Variants in PCMT1 observed in about 807,000 individuals in gnomAD.
The protein encoded by PCMT1 is protein-L-isoaspartate (D-aspartate) O-methyltransferase.
PCMT1 carries 9 observed loss-of-function variants against 29.2 expected under a neutral mutation model. The observed-to-expected ratio is 0.31, with a 90% CI of 0.19 to 0.54. PCMT1 has a LOEUF of 0.54. Ranked by LOEUF, PCMT1 falls within the 20% of genes least tolerant of loss-of-function variation. PCMT1 has a pLI of 0.95. For missense variants in PCMT1, 184 were observed against 282.2 expected, an observed-to-expected ratio of 0.65 and a Z score of 2.49; for synonymous variants, 98 against 97.5, an observed-to-expected ratio of 1.00 and a Z score of -0.03.
At position 149,793,642 on chromosome 6, in the gene PCMT1, C is replaced by A; in HGVS notation, c.391C>A (p.Leu131Met). The change falls in exon 5 of 8, where the codon CTG becomes ATG. Residue 131 changes from leucine (L) to methionine (M), a missense_variant. By Grantham distance (15) the Leu-to-Met change is conservative. Coordinates refer to ENST00000464889, the MANE Select transcript of PCMT1 (RefSeq NM_001360452.2). ...TGTCAGGAAGGACGATCCAACACTT[C>A]TGTCTTCAGGGAGAGTACAGCTTGT... ...NNVRKDDPTLLSSGRVQLVVG... is the reference protein window; with the variant it reads ...NNVRKDDPTLMSSGRVQLVVG... 1 of 1,564,842 alleles carries A rather than the reference C, an allele frequency of 6.4e-7. No individual in the cohort carries two copies.
intron 1 of PCMT1, among the ~76,000 whole-genome samples, chr6:149,768,467 T>G (rs1384210948): frequency 7.1e-6 from 1 of 140,818 alleles, no homozygotes; most frequent in Non-Finnish European, 1.5e-5. Context: ...TTTTTTTTTT[T>G]TTGAGATGGA....
chr6:149,806,815 C>T (rs1194261846), intron 7 of PCMT1, among the ~76,000 whole-genome samples: 7 of 152,114 alleles, frequency 4.6e-5, no homozygotes, highest in Non-Finnish European at 8.8e-5. Flanking sequence ...TGGTCTCGGA[C>T]TCCTGAGCTC....
Position 149,802,317 on chromosome 6 carries a change from C to T in PCMT1, c.622C>T (p.Leu208=). Residue 208 remains leucine (L), a synonymous_variant, in exon 7 of 8, where the codon CTG becomes TTG. Transcript: ENST00000464889. ...LQDGSIKMKP[L]MGVIYVPLTD... ...AGATGGCAGCATCAAAATGAAGCCT[C>T]TGATGGGGGTGATATACGTGCCTTT... The T allele has an allele frequency of 6.2e-7, 1 of 1,613,674 alleles. No homozygotes were observed. Among genetic ancestry groups the T allele is most frequent in the African/African-American group, 1.3e-5 (1 of 74,994 alleles).
chr6:149,776,398 T>C (rs1787569784), intron 3 of PCMT1, among the ~76,000 whole-genome samples: 1 of 151,870 alleles, frequency 6.6e-6, no homozygotes, highest in African/African-American at 2.4e-5. Context: ...ATTACAGGTG[T>C]GCACTACCAT....
chr6:149,754,143 G>A (rs148860642), intron 1 of PCMT1, among the ~76,000 whole-genome samples: 1 of 152,178 alleles, frequency 6.6e-6, no homozygotes, highest in Non-Finnish European at 1.5e-5. Flanking sequence ...ATATTGTCCA[G>A]TGTGGTAGCT....
intron 1 of PCMT1, among the ~76,000 whole-genome samples, chr6:149,750,478 C>T (rs1021191664): frequency 6.6e-6 from 1 of 152,160 alleles, no homozygotes; most frequent in African/African-American, 2.4e-5. Context: ...GAGATGCCAC[C>T]GTCTGATACA....
At chr6:149,761,800 G>T (rs1264170112) in intron 1 of PCMT1, among the ~76,000 whole-genome samples, 1 of 152,184 alleles carries the variant, frequency 6.6e-6, no homozygotes, top group African/African-American at 2.4e-5. Context: ...TGTCAAAGTT[G>T]ATAACATTTA....
In PCMT1 at chr6:149,785,860, C is replaced by G. The variant is rs1583037310; in HGVS notation, c.193-4094C>G. Among the ~76,000 whole-genome samples, 6 of 152,340 alleles carry G rather than the reference C, an allele frequency of 3.9e-5. No individual in the cohort carries two copies. In the East Asian group the frequency reaches 9.6e-4, roughly 24 times the overall value. ...ATTTCTCAATCTCTTCCCCACCTTT[C>G]CCCCCTTTCTATTCCACAAAGCCGC... On this transcript the variant is annotated intron_variant, in intron 3 of 7. Coordinates refer to ENST00000464889, the MANE Select transcript of PCMT1 (RefSeq NM_001360452.2).
chr6:149,806,867 C>G (rs1776032789), intron 7 of PCMT1, among the ~76,000 whole-genome samples: 1 of 152,202 alleles, frequency 6.6e-6, no homozygotes, highest in Non-Finnish European at 1.5e-5. Flanking sequence ...GCTGGGATTA[C>G]AGGCTTGAGC....
chr6:149,789,066 ATTTTTTTT>A (rs56661461), intron 3 of PCMT1, among the ~76,000 whole-genome samples: 2 of 90,504 alleles, frequency 2.2e-5, no homozygotes, highest in East Asian at 3.5e-4. Context: ...ATTGGATCTG[ATTTTTTTT>A]TTTTTTTTTT....
At chr6:149,756,253 A>G (rs1451028340) in intron 1 of PCMT1, among the ~76,000 whole-genome samples, 1 of 148,470 alleles carries the variant, frequency 6.7e-6, no homozygotes, top group East Asian at 2.0e-4. Context: ...ATATCCTAAA[A>G]GCATTTACTT....
At chr6:149,772,829 A>G in intron 2 of PCMT1, 1 of 343,466 alleles carries the variant, frequency 2.9e-6, no homozygotes, top group Non-Finnish European at 5.6e-6. Flanking sequence ...CATCCTGGCT[A>G]ACGCGGTGAA....
intron 1 of PCMT1, among the ~76,000 whole-genome samples, chr6:149,750,653 G>T (rs1786277535): frequency 6.6e-6 from 1 of 152,300 alleles, no homozygotes; most frequent in South Asian, 2.1e-4. Context: ...TCAGCAGAGG[G>T]TTGTGTGTCT....
Position 149,790,040 on chromosome 6 carries a change from T to C in PCMT1, c.279T>C (p.Thr93=). The change falls in exon 4 of 8, where the codon ACT becomes ACC. Residue 93 remains threonine, a synonymous_variant. Transcript: ENST00000464889. ...LDVGSGSGIL[T]ACFARMVGCT... is the part of the protein sequence containing the mutation. ...TAGGATCTGGAAGTGGAATCCTTACTGCATGTTTTGCACGTATGGTAAGAG... is the reference window on the plus strand; with the variant it reads ...TAGGATCTGGAAGTGGAATCCTTACCGCATGTTTTGCACGTATGGTAAGAG... 6.2e-7 allele frequency: 1 copy of C among 1,602,446 alleles called. No homozygotes were observed. Among genetic ancestry groups the C allele is most frequent in the South Asian group, 1.1e-5 (1 of 90,166 alleles).
intron 1 of PCMT1, among the ~76,000 whole-genome samples, chr6:149,752,084 G>T (rs1192685715): frequency 1.6e-5 from 2 of 124,212 alleles, no homozygotes; most frequent in African/African-American, 3.0e-5. Context: ...TTGCTATGTT[G>T]CCCAGGCTGG....
chr6:149,781,040 C>T (rs1787791202), intron 3 of PCMT1, among the ~76,000 whole-genome samples: 1 of 152,012 alleles, frequency 6.6e-6, no homozygotes, highest in African/African-American at 2.4e-5. Flanking sequence ...AGAATTTTAT[C>T]CATCCTAGTG....
At chr6:149,785,923 C>T (rs1302138968) in intron 3 of PCMT1, among the ~76,000 whole-genome samples, 3 of 151,944 alleles carry the variant, frequency 2.0e-5, no homozygotes, top group East Asian at 2.0e-4. Context: ...AGCTGTTGGG[C>T]ACACCTCCCA....
intron 1 of PCMT1, among the ~76,000 whole-genome samples, chr6:149,764,995 C>G (rs550489077): frequency 7.0e-6 from 1 of 142,250 alleles, no homozygotes; most frequent in African/African-American, 2.6e-5. Context: ...GAGCCGAGAT[C>G]GCGCCACTGC....
At chr6:149,776,210 G>T (rs1201237076) in intron 3 of PCMT1, among the ~76,000 whole-genome samples, 1 of 151,916 alleles carries the variant, frequency 6.6e-6, no homozygotes, top group Non-Finnish European at 1.5e-5. Flanking sequence ...AAATGACTTT[G>T]ACATTTAAAC....
Sources: gnomAD v4.1 joint callset for allele counts (sites outside exome capture counted in the v4.1 genomes callset) on GRCh38, gnomAD v4.1.1 for gene constraint, MANE v1.5 for transcripts, NCBI Gene and HGNC (gene_info 2026-07-23, HGNC 2026-07-21) for gene names.